The following ATG7 variants were observed in gnomAD, a reference collection of about 807,000 sequenced individuals.
The protein encoded by ATG7 is autophagy related 7, also known as ubiquitin-like modifier-activating enzyme ATG7.
In ATG7, 70 loss-of-function variants were observed where a neutral mutation model predicts 82.4. That is an observed-to-expected ratio of 0.85 (90% CI 0.70 to 1.04). The LOEUF (loss-of-function observed/expected upper bound fraction) is 1.04. ATG7 is among the 50% of genes least tolerant of loss of function. ATG7 has a pLI of 0.00. For missense variants in ATG7, 792 were observed against 864.3 expected (o/e 0.92, Z 1.05); for synonymous variants, 287 against 313.0 (o/e 0.92, Z 0.88).
chr3:11,521,374 C>A (rs1215233442), intron 20 of ATG7, among the ~76,000 whole-genome samples: 1 of 151,992 alleles, frequency 6.6e-6, no homozygotes, highest in Non-Finnish European at 1.5e-5. Flanking sequence ...ACTCATAAAC[C>A]CAAAGATGAG....
At chr3:11,382,797 A>G (rs1158360020) in intron 19 of ATG7, among the ~76,000 whole-genome samples, 1 of 152,294 alleles carries the variant, frequency 6.6e-6, no homozygotes, top group East Asian at 1.9e-4. Context: ...GTAACTTTCT[A>G]TTGATATAAT....
At chr3:11,506,554 CAAAAAAAAAAAAAA>C (rs754696496) in intron 20 of ATG7, among the ~76,000 whole-genome samples, 33 of 24,920 alleles carry the variant, frequency 1.3e-3, no homozygotes, top group Admixed American at 9.1e-4. Context: ...CCCATCTCTA[CAAAAAAAAAAAAAA>C]AAAAAAAAAA....
intron 13 of ATG7, among the ~76,000 whole-genome samples, chr3:11,343,858 C>T (rs2152779351): frequency 6.6e-6 from 1 of 152,186 alleles, no homozygotes; most frequent in South Asian, 2.1e-4. Flanking sequence ...TATTCATGCT[C>T]ACTGTTTTAG....
chr3:11,557,155 C>T lies in ATG7; in HGVS notation c.*2312C>T, dbSNP rs779929617. ...GGAGGGGATAGAAACGCTCATTGAC[C>T]AAAAAGGAGCAGCTGTGACCTCCAC... On this transcript the variant is annotated 3_prime_UTR_variant, in exon 21 of 21. Transcript: ENST00000693202. 1 of 152,654 alleles carries T rather than the reference C, an allele frequency of 6.6e-6. No homozygotes were observed. The highest frequency in any genetic ancestry group is 1.5e-5 in the Non-Finnish European group (1 of 68,028). The allele number at this position is 152,654 out of a possible 1,614,324, so 9.5% of individuals were successfully genotyped here.
intron 20 of ATG7, among the ~76,000 whole-genome samples, chr3:11,531,830 C>T (rs2092700123): frequency 7.1e-6 from 1 of 140,358 alleles, no homozygotes; most frequent in South Asian, 2.3e-4. Context: ...TACCACTGCA[C>T]TTCAGCCTGG....
intron 20 of ATG7, among the ~76,000 whole-genome samples, chr3:11,546,408 G>T (rs1255241412): frequency 6.6e-6 from 1 of 152,152 alleles, no homozygotes; most frequent in Non-Finnish European, 1.5e-5. Context: ...CTGACCTCAG[G>T]TGATCCGCCT....
At chr3:11,483,353 G>C (rs568037803) in intron 20 of ATG7, among the ~76,000 whole-genome samples, 2 of 152,286 alleles carry the variant, frequency 1.3e-5, no homozygotes, top group Admixed American at 1.3e-4. Context: ...AGAAGAATCA[G>C]ACTGTGGTTC....
intron 20 of ATG7, among the ~76,000 whole-genome samples, chr3:11,500,190 G>C (rs1325469926): frequency 6.6e-6 from 1 of 152,124 alleles, no homozygotes; most frequent in Non-Finnish European, 1.5e-5. Context: ...GAACACAGTT[G>C]TATGGCAGTG....
At chr3:11,498,306 T>A (rs990244662) in intron 20 of ATG7, among the ~76,000 whole-genome samples, 1 of 152,176 alleles carries the variant, frequency 6.6e-6, no homozygotes, top group Non-Finnish European at 1.5e-5. Flanking sequence ...GGGACACAAT[T>A]CCTGCTATCT....
At chr3:11,398,473 T>C (rs1487711487) in intron 19 of ATG7, among the ~76,000 whole-genome samples, 1 of 152,170 alleles carries the variant, frequency 6.6e-6, no homozygotes, top group African/African-American at 2.4e-5. Flanking sequence ...CTTATAAAAC[T>C]CATTAATTAA....
downstream of ATG7, chr3:11,558,144 G>A (rs751691686): frequency 5.2e-5 from 12 of 231,826 alleles, no homozygotes; most frequent in Non-Finnish European, 7.7e-5. Flanking sequence ...AACACGCCGT[G>A]GAAGCTGAGC....
intron 18 of ATG7, among the ~76,000 whole-genome samples, chr3:11,366,977 G>C (rs1384620951): frequency 1.5e-5 from 2 of 133,386 alleles, no homozygotes; most frequent in African/African-American, 5.9e-5. Flanking sequence ...AAAGCTGTGT[G>C]TGTGTGTGTG....
chr3:11,558,460 CA>C, downstream of ATG7: 7 of 1,069,158 alleles, frequency 6.5e-6, no homozygotes, highest in Non-Finnish European at 9.0e-6. Flanking sequence ...CCCTTCCCCC[CA>C]CCCCACCCCC....
rs868280450 is a variant in ATG7 at position 11,519,552 on chromosome 3, T to G, written c.2080-35259T>G. On this transcript the variant is annotated intron_variant, in intron 20 of 20. Transcript: ENST00000693202. ...GCAGTGAGAGGAGTTTTTTTTTTTT[T>G]TTTTTTTTTTTTTTTTTTTTTTTTT... Among the ~76,000 whole-genome samples, 837 of 90,318 alleles carry G rather than the reference T, an allele frequency of 9.3e-3. 6 individuals are homozygous for G. Among genetic ancestry groups the G allele is most frequent in the Middle Eastern group, 0.019 (4 of 208 alleles). The allele number at this position is 90,318 out of a possible 152,430, so 59.3% of individuals were successfully genotyped here.
intron 20 of ATG7, among the ~76,000 whole-genome samples, chr3:11,450,940 C>T (rs1348372146): frequency 1.3e-5 from 2 of 152,190 alleles, no homozygotes; most frequent in East Asian, 3.8e-4. Context: ...CTAATTTCAT[C>T]CTCCAAGGCT....
At chr3:11,416,502 G>A (rs1239554696) in intron 19 of ATG7, among the ~76,000 whole-genome samples, 3 of 151,890 alleles carry the variant, frequency 2.0e-5, no homozygotes, top group African/African-American at 7.3e-5. Flanking sequence ...CGGAGTTGTT[G>A]ATAGTATTCT....
intron 18 of ATG7, among the ~76,000 whole-genome samples, chr3:11,378,936 G>C (rs1043597804): frequency 3.3e-5 from 5 of 151,974 alleles, no homozygotes; most frequent in East Asian, 1.9e-4. Context: ...CGGGTCTTCT[G>C]TTCTGTTCAA....
chr3:11,421,970 T>C (rs2081972165), intron 19 of ATG7, among the ~76,000 whole-genome samples: 2 of 152,234 alleles, frequency 1.3e-5, no homozygotes, highest in Admixed American at 6.5e-5. Context: ...GCAGTAGGTC[T>C]CAACAGTGGG....
intron 20 of ATG7, among the ~76,000 whole-genome samples, chr3:11,517,159 A>G (rs2092305452): frequency 1.3e-5 from 2 of 151,978 alleles, no homozygotes; most frequent in Non-Finnish European, 2.9e-5. Context: ...CCTGTATGAC[A>G]TTCTAGAAAA....
Sources: gnomAD v4.1 joint callset for allele counts (sites outside exome capture counted in the v4.1 genomes callset) on GRCh38, gnomAD v4.1.1 for gene constraint, MANE v1.5 for transcripts, NCBI Gene and HGNC (gene_info 2026-07-23, HGNC 2026-07-21) for gene names.